The following TRIM23 variants were observed in gnomAD, a reference collection of about 807,000 sequenced individuals.
The protein encoded by TRIM23 is tripartite motif containing 23.
In TRIM23, 27 loss-of-function variants were observed where a neutral mutation model predicts 71.0. The ratio of observed to expected loss-of-function variants is 0.38; its 90% CI spans 0.28 to 0.52. TRIM23 has a LOEUF of 0.52. TRIM23 is among the 20% of genes least tolerant of loss of function. The pLI, the probability that TRIM23 is intolerant of heterozygous loss-of-function variation, is 0.84. For missense variants in TRIM23, 482 were observed against 692.3 expected (o/e 0.70, Z 3.41); for synonymous variants, 234 against 238.0 (o/e 0.98, Z 0.16).
At chr5:65,606,459 G>A (rs1019770559) in intron 6 of TRIM23, among the ~76,000 whole-genome samples, 10 of 113,280 alleles carry the variant, frequency 8.8e-5, no homozygotes, top group Non-Finnish European at 1.3e-4. Flanking sequence ...CACTCCTCCC[G>A]CCCCCGGCCA....
chr5:65,618,561 C>A (rs1369240364), intron 1 of TRIM23, among the ~76,000 whole-genome samples: 2 of 152,130 alleles, frequency 1.3e-5, no homozygotes, highest in Non-Finnish European at 1.5e-5. Context: ...TGAATCTGTA[C>A]AAACAATATG....
chr5:65,594,643 C>T lies in TRIM23; in HGVS notation c.1423G>A (p.Val475Ile), dbSNP rs781460266. The change falls in exon 10 of 11, where the codon GTT (valine) becomes ATT (isoleucine). Residue 475 changes from valine to isoleucine, a missense_variant and splice_region_variant. Around this residue, in one of 2 missense-constraint regions of TRIM23, gnomAD observed 307 missense variants for 495.8 expected, o/e 0.62. Transcript: ENST00000231524. ...TGACTGCTATCTACAACAAACACAA[C>T]AGCTACCCAAAAAAAAATAAAAAAA... ...WKHYYLNTQA[V>I]VFVVDSSHRD... 4 of 1,548,344 alleles carry T rather than the reference C, an allele frequency of 2.6e-6. No homozygotes were observed. The highest frequency in any genetic ancestry group is 2.6e-6 in the Non-Finnish European group (3 of 1,152,938).
intron 3 of TRIM23, among the ~76,000 whole-genome samples, chr5:65,612,449 C>A (rs563605821): frequency 1.3e-5 from 2 of 151,978 alleles, no homozygotes; most frequent in Non-Finnish European, 2.9e-5. Flanking sequence ...TCTAATTATA[C>A]GCCATGTTAT....
intron 6 of TRIM23, among the ~76,000 whole-genome samples, chr5:65,606,669 A>G (rs200972756): frequency 1.1e-4 from 17 of 152,292 alleles, no homozygotes; most frequent in South Asian, 8.3e-4. Flanking sequence ...TTCCTCAACT[A>G]CAATGTTCTT....
At chr5:65,618,778 T>A (rs939419590) in intron 1 of TRIM23, among the ~76,000 whole-genome samples, 3 of 152,230 alleles carry the variant, frequency 2.0e-5, no homozygotes, top group Admixed American at 6.5e-5. Context: ...TAATGTACAT[T>A]AAATAATACA....
intron 6 of TRIM23, among the ~76,000 whole-genome samples, chr5:65,605,636 G>A (rs561882537): frequency 4.6e-5 from 7 of 151,954 alleles, no homozygotes; most frequent in South Asian, 2.1e-4. Context: ...ACATGTATTC[G>A]TTAAAAAAAA....
At chr5:65,598,748 C>CAA (rs34575401) in intron 7 of TRIM23, among the ~76,000 whole-genome samples, 1 of 134,958 alleles carries the variant, frequency 7.4e-6, no homozygotes, top group Non-Finnish European at 1.6e-5. Context: ...AACTCCGCCT[C>CAA]AAAAAAAAAA....
intron 1 of TRIM23, among the ~76,000 whole-genome samples, chr5:65,622,778 G>A (rs934661549): frequency 2.0e-5 from 3 of 152,146 alleles, no homozygotes; most frequent in Admixed American, 6.5e-5. Context: ...AGCCTCCAAT[G>A]TATCAAATTC....
chr5:65,603,290 T>C (rs544304822), intron 7 of TRIM23, among the ~76,000 whole-genome samples: 4 of 152,184 alleles, frequency 2.6e-5, no homozygotes, highest in Non-Finnish European at 5.9e-5. Flanking sequence ...GATAGCAAAT[T>C]TTTTATTATG....
intron 3 of TRIM23, among the ~76,000 whole-genome samples, chr5:65,612,835 CAAAT>C (rs762239229): frequency 1.3e-5 from 2 of 151,954 alleles, no homozygotes; most frequent in Non-Finnish European, 2.9e-5. Context: ...TAACAATAAA[CAAAT>C]AAATAAAACC....
At chr5:65,611,374 G>A (rs1003529187) in intron 4 of TRIM23, among the ~76,000 whole-genome samples, 2 of 151,282 alleles carry the variant, frequency 1.3e-5, no homozygotes, top group African/African-American at 2.4e-5. Context: ...TTTCCTGCTC[G>A]AAAGCTATTT....
In TRIM23 at chr5:65,614,168, A is replaced by G; in HGVS notation, c.296T>C (p.Leu99Ser). ...AATAGGCCCATTCTGCAGTCGTTCC[A>G]AAAGCTCCAATAAAGCAAAATTTTT... is the stretch of plus-strand genomic sequence containing the variant. ...LKKNFALLEL[L>S]ERLQNGPIGQ... The change falls in exon 3 of 11, where the codon TTG becomes TCG. Residue 99 changes from leucine (L) to serine (S), a missense_variant. Around this residue, in one of 2 missense-constraint regions of TRIM23, gnomAD observed 175 missense variants for 196.5 expected, o/e 0.89. Transcript: ENST00000231524. The G allele has an allele frequency of 5.0e-6, 8 of 1,614,076 alleles. No individual in the cohort carries two copies. Among genetic ancestry groups the G allele is most frequent in the Non-Finnish European group, 6.8e-6 (8 of 1,179,968 alleles).
chr5:65,611,331 A>C (rs1005992134), intron 4 of TRIM23, among the ~76,000 whole-genome samples: 4 of 152,232 alleles, frequency 2.6e-5, no homozygotes, highest in Non-Finnish European at 1.5e-5. Flanking sequence ...AATCTGGTGC[A>C]TTATGAAAAC....
chr5:65,600,168 G>A (rs1449479161), intron 7 of TRIM23, among the ~76,000 whole-genome samples: 1 of 152,172 alleles, frequency 6.6e-6, no homozygotes, highest in Non-Finnish European at 1.5e-5. Flanking sequence ...AACCATTCAT[G>A]AGAAACTGCC....
chr5:65,591,230 T>A lies in TRIM23; in HGVS notation c.*539A>T, dbSNP rs188583344. 4.0e-6 allele frequency: 5 copies of A among 1,252,914 alleles called. No individual in the cohort carries two copies. The Admixed American group carries it at 2.3e-4, about 57-fold the overall frequency. The allele number at this position is 1,252,914 out of a possible 1,614,324, so 77.6% of individuals were successfully genotyped here. On this transcript the variant is annotated 3_prime_UTR_variant, in exon 11 of 11. Transcript: ENST00000231524. ...GTTCTTAGCATTAAAGGTGTTCTGTTAACTCTGAACATAAACATAAAGTAA... is the reference window on the plus strand; with the variant it reads ...GTTCTTAGCATTAAAGGTGTTCTGTAAACTCTGAACATAAACATAAAGTAA...
At position 65,614,088 on chromosome 5, in the gene TRIM23, T is replaced by A. The variant is rs1031780472; in HGVS notation, c.366+10A>T. ...CTCGTAACAAATATTTCACCAAGTA[T>A]GATCAATACCTCTCCAGATATCCCA... is the stretch of plus-strand genomic sequence containing the variant. On this transcript the variant is annotated intron_variant, in intron 3 of 10. Transcript: ENST00000231524. 2 of 1,610,392 alleles carry A rather than the reference T, an allele frequency of 1.2e-6. No individual in the cohort carries two copies. The highest frequency in any genetic ancestry group is 2.7e-5 in the African/African-American group (2 of 74,802).
chr5:65,614,903 T>A (rs577167013), intron 2 of TRIM23, among the ~76,000 whole-genome samples: 2 of 152,320 alleles, frequency 1.3e-5, no homozygotes, highest in East Asian at 3.9e-4. Flanking sequence ...TAAATCTCTT[T>A]TACTTTTTTT....
At chr5:65,599,338 A>G (rs967455890) in intron 7 of TRIM23, among the ~76,000 whole-genome samples, 18 of 152,336 alleles carry the variant, frequency 1.2e-4, no homozygotes, top group African/African-American at 4.3e-4. Context: ...TTCAGGGATC[A>G]TTTTTATAGT....
chr5:65,591,090 T>C lies in TRIM23; in HGVS notation c.*679A>G, dbSNP rs1329884310. ...GTTTTATTACTGTTCAGTTTATTAC[T>C]AACCTGACAAGCCTAATTGGGTAAC... is the stretch of plus-strand genomic sequence containing the variant. On this transcript the variant is annotated 3_prime_UTR_variant, in exon 11 of 11. Coordinates refer to ENST00000231524, the MANE Select transcript of TRIM23 (RefSeq NM_001656.4). 9.8e-7 allele frequency: 1 copy of C among 1,016,260 alleles called. No homozygotes were observed. The highest frequency in any genetic ancestry group is 1.2e-6 in the Non-Finnish European group (1 of 850,570). The allele number at this position is 1,016,260 out of a possible 1,614,324, so 63.0% of individuals were successfully genotyped here.
Sources: gnomAD v4.1 joint callset for allele counts (sites outside exome capture counted in the v4.1 genomes callset) on GRCh38, gnomAD v4.1.1 for gene constraint, gnomAD v4.1.1 regional missense constraint, MANE v1.5 for transcripts, NCBI Gene and HGNC (gene_info 2026-07-23, HGNC 2026-07-21) for gene names.